The following YTHDC2 variants were observed in gnomAD, a reference collection of about 807,000 sequenced individuals.
The protein encoded by YTHDC2 is 3'-5' RNA helicase YTHDC2.
YTHDC2 carries 45 observed loss-of-function variants against 174.9 expected under a neutral mutation model. The observed-to-expected ratio is 0.26, with a 90% CI of 0.20 to 0.33. YTHDC2 has a LOEUF of 0.33. Among genes scored for constraint, YTHDC2 ranks in the 10% least tolerant of loss-of-function variants. The pLI, the probability that YTHDC2 is intolerant of heterozygous loss-of-function variation, is 1.00. For missense variants in YTHDC2, 1,650 were observed against 1,723.7 expected, an observed-to-expected ratio of 0.96 and a Z score of 0.76; for synonymous variants, 657 against 574.5, an observed-to-expected ratio of 1.14 and a Z score of -2.05.
rs1777438118 is a variant in YTHDC2 at position 113,567,665 on chromosome 5, C to T, written c.3060C>T (p.Ala1020=). Residue 1020 remains alanine, a synonymous_variant, in exon 23 of 30, where the codon GCC becomes GCT. Coordinates refer to ENST00000161863, the MANE Select transcript of YTHDC2 (RefSeq NM_022828.5). ...SQPQYKKIPP[A]NGQAAAIKAL... is the part of the protein sequence containing the mutation. ...TATTTTCTTAATAGATTCCTCCAGCCAATGGTCAAGCTGCAGCAATTAAGG... is the reference window on the plus strand; with the variant it reads ...TATTTTCTTAATAGATTCCTCCAGCTAATGGTCAAGCTGCAGCAATTAAGG... 1 of 1,594,682 alleles carries T rather than the reference C, an allele frequency of 6.3e-7. No homozygotes were observed. The highest frequency in any genetic ancestry group is 8.5e-7 in the Non-Finnish European group (1 of 1,173,332).
At chr5:113,566,170 G>A (rs376633912) in intron 21 of YTHDC2, 151 bp downstream of exon 21, 16 of 946,732 alleles carry the variant, frequency 1.7e-5, no homozygotes, top group East Asian at 1.2e-4. Context: ...TGTAGACTTC[G>A]ATATGTCTTC....
At chr5:113,550,532 T>C (rs1216703237) in intron 12 of YTHDC2, among the ~76,000 whole-genome samples, 2 of 152,154 alleles carry the variant, frequency 1.3e-5, no homozygotes, top group African/African-American at 4.8e-5. Context: ...TAGGAACTGG[T>C]GTGGGTGGAA....
At chr5:113,574,357 ATT>A (rs1275920210) in intron 23 of YTHDC2, among the ~76,000 whole-genome samples, 1 of 152,128 alleles carries the variant, frequency 6.6e-6, no homozygotes. Flanking sequence ...CCTGGGGGTT[ATT>A]GGCCTGTTGC....
At chr5:113,521,980 G>A (rs1003254799) in intron 2 of YTHDC2, among the ~76,000 whole-genome samples, 4 of 152,080 alleles carry the variant, frequency 2.6e-5, no homozygotes, top group Admixed American at 2.0e-4. Context: ...TTAGTATGAT[G>A]CAAACTTTAC....
chr5:113,568,456 A>G (rs1376689297), intron 23 of YTHDC2, among the ~76,000 whole-genome samples: 2 of 151,902 alleles, frequency 1.3e-5, no homozygotes, highest in African/African-American at 4.8e-5. Flanking sequence ...TGCTGCACAG[A>G]TCATGACATC....
At chr5:113,573,815 C>T (rs778338177) in intron 23 of YTHDC2, among the ~76,000 whole-genome samples, 1 of 152,118 alleles carries the variant, frequency 6.6e-6, no homozygotes, top group Non-Finnish European at 1.5e-5. Context: ...TTTTCAGCTC[C>T]GTTAGGTCGG....
At chr5:113,524,696 C>G (rs1258626134) in intron 2 of YTHDC2, among the ~76,000 whole-genome samples, 1 of 152,066 alleles carries the variant, frequency 6.6e-6, no homozygotes, top group Non-Finnish European at 1.5e-5. Context: ...TTTCATCTAC[C>G]ATGAAGTCTG....
intron 23 of YTHDC2, among the ~76,000 whole-genome samples, chr5:113,574,823 G>A (rs1777941231): frequency 6.6e-6 from 1 of 152,174 alleles, no homozygotes; most frequent in South Asian, 2.1e-4. Context: ...GTTTCTGTGT[G>A]TGCCTGAGTG....
In YTHDC2 at chr5:113,553,189, T is replaced by G; in HGVS notation, c.1697T>G (p.Leu566Arg). 5 of 1,324,872 alleles carry G rather than the reference T, an allele frequency of 3.8e-6. No homozygotes were observed. Among genetic ancestry groups the G allele is most frequent in the Non-Finnish European group, 5.1e-6 (5 of 989,770 alleles). 82.1% of individuals were successfully genotyped at this position (1,324,872 alleles called of 1,614,324 possible). ...VDLLESYSAT[L>R]EFGNLDESSL... is the part of the protein sequence containing the mutation. ...TTTTTTTTTTTTTTCAGTGCTACAC[T>G]GGAATTTGGAAATCTAGATGAAAGT... The change falls in exon 13 of 30, where the codon CTG becomes CGG. Residue 566 changes from leucine to arginine, a missense_variant. Leu to Arg is a moderately radical substitution (Grantham distance 102). This residue lies in a region of YTHDC2 where 411 missense variants were observed against 380.6 expected (regional missense o/e 1.08). Coordinates refer to ENST00000161863, the MANE Select transcript of YTHDC2 (RefSeq NM_022828.5).
intron 17 of YTHDC2, among the ~76,000 whole-genome samples, chr5:113,557,601 C>G (rs1776699005): frequency 1.3e-5 from 2 of 152,154 alleles, no homozygotes; most frequent in South Asian, 2.1e-4. Flanking sequence ...TGAGACTAGC[C>G]TGGGCATCAT....
chr5:113,565,464 G>T (rs958001178), intron 20 of YTHDC2, among the ~76,000 whole-genome samples: 1 of 152,126 alleles, frequency 6.6e-6, no homozygotes, highest in African/African-American at 2.4e-5. Flanking sequence ...GCATATAGAT[G>T]ATTTATAGAA....
intron 25 of YTHDC2, chr5:113,584,093 C>T: frequency 2.7e-6 from 1 of 375,374 alleles, no homozygotes; most frequent in Non-Finnish European, 4.7e-6. Context: ...TGCTCAGGAT[C>T]TCATACCTAG....
intron 19 of YTHDC2, 136 bp downstream of exon 19, chr5:113,563,628 T>C (rs907075611): frequency 1.5e-5 from 16 of 1,095,292 alleles, no homozygotes; most frequent in Middle Eastern, 3.1e-4. Context: ...AAACTAATTT[T>C]GTACTTTTAA....
rs1426212637 is a variant in YTHDC2, at chr5:113,545,950, C to T, written c.1496-2591C>T. ...AGAGACGGGGTTTCACCGTTTTAGC[C>T]GGGATGGTCTCGATCTCCTGACCTC... On this transcript the variant is annotated intron_variant, in intron 10 of 29. Transcript: ENST00000161863. 1.7e-4 allele frequency among the ~76,000 whole-genome samples: 18 copies of T among 108,754 alleles called. 3 individuals are homozygous for T. Among genetic ancestry groups the T allele is most frequent in the East Asian group, 6.7e-4 (3 of 4,478 alleles). 71.3% of individuals were successfully genotyped at this position (108,754 alleles called of 152,430 possible).
chr5:113,539,834 T>G (rs1449788568), intron 8 of YTHDC2, among the ~76,000 whole-genome samples: 1 of 152,100 alleles, frequency 6.6e-6, no homozygotes, highest in African/African-American at 2.4e-5. Flanking sequence ...CTGATTTCAT[T>G]GGGAAGCACT....
At position 113,579,628 on chromosome 5, in the gene YTHDC2, A is replaced by G; in HGVS notation, c.3287A>G (p.Asp1096Gly). ...GACAGTAGTGATAGTGAAATGGAGG[A>G]CAAAACTACAGCTAATTTGGCAGCC... is the stretch of plus-strand genomic sequence containing the variant. ...PNDSSDSEMEDKTTANLAALK... is the reference protein window; with the variant it reads ...PNDSSDSEMEGKTTANLAALK... The change falls in exon 24 of 30, where the codon GAC (aspartate) becomes GGC (glycine). Residue 1096 changes from aspartate to glycine, a missense_variant. By Grantham distance (94) the Asp-to-Gly change is moderately conservative. This residue lies in a region of YTHDC2 where 913 missense variants were observed against 940.4 expected (regional missense o/e 0.97). Transcript: ENST00000161863. 15 of 1,611,356 alleles carry G rather than the reference A, an allele frequency of 9.3e-6. No homozygotes were observed. Among genetic ancestry groups the G allele is most frequent in the Non-Finnish European group, 1.3e-5 (15 of 1,178,506 alleles).
rs573772158 is a variant in YTHDC2, at chr5:113,535,229, T to C, written c.946-413T>C. On this transcript the variant is annotated intron_variant, in intron 6 of 29. Coordinates refer to ENST00000161863, the MANE Select transcript of YTHDC2 (RefSeq NM_022828.5). Reference sequence around the variant, plus strand: ...ATGTACAGACTTTTCTTGTTGTTATTCCCTAAAGAATACAGTGTAACTATT... The same window carrying C: ...ATGTACAGACTTTTCTTGTTGTTATCCCCTAAAGAATACAGTGTAACTATT... Among the ~76,000 whole-genome samples the C allele has an allele frequency of 3.3e-5, 5 of 152,310 alleles. No individual in the cohort carries two copies. The South Asian group carries it at 1.0e-3, about 32-fold the overall frequency.
At chr5:113,516,568 A>G (rs908810271) in intron 2 of YTHDC2, among the ~76,000 whole-genome samples, 5 of 152,212 alleles carry the variant, frequency 3.3e-5, no homozygotes, top group African/African-American at 4.8e-5. Flanking sequence ...AACAGCATCC[A>G]TAGCCATTAC....
intron 24 of YTHDC2, among the ~76,000 whole-genome samples, chr5:113,580,326 C>A (rs1778319907): frequency 6.6e-6 from 1 of 152,120 alleles, no homozygotes; most frequent in Non-Finnish European, 1.5e-5. Flanking sequence ...GTATTGGGTA[C>A]ACAAGAACTC....
Sources: allele counts gnomAD v4.1 joint callset (sites outside exome capture counted in the v4.1 genomes callset), GRCh38; gene constraint gnomAD v4.1.1; regional missense constraint gnomAD v4.1.1; transcripts MANE v1.5; gene names NCBI Gene and HGNC (gene_info 2026-07-23, HGNC 2026-07-21).